CHSY3: variants seen among roughly 807,000 people sequenced by gnomAD.
The protein encoded by CHSY3 is chondroitin sulfate synthase 3, also known as N-acetylgalactosaminyl-proteoglycan 3-beta-glucuronosyltransferase 3.
Under a neutral mutation model 67.2 loss-of-function variants are expected in CHSY3, and 35 were observed. The ratio of observed to expected loss-of-function variants is 0.52; its 90% CI spans 0.40 to 0.69. CHSY3 has a LOEUF of 0.69. Among genes scored for constraint, CHSY3 ranks in the 30% least tolerant of loss-of-function variants. CHSY3 has a pLI of 0.00. For missense variants in CHSY3, 1,069 were observed against 1,138.5 expected (o/e 0.94, Z 0.88); for synonymous variants, 474 against 434.7 (o/e 1.09, Z -1.12).
chr5:130,137,312 C>T (rs749280306), intron 2 of CHSY3, among the ~76,000 whole-genome samples: 6 of 152,124 alleles, frequency 3.9e-5, no homozygotes, highest in Admixed American at 2.0e-4. Flanking sequence ...CCACACAGAA[C>T]ATGTTCACTT....
chr5:129,928,927 A>G (rs1355620194), intron 2 of CHSY3, among the ~76,000 whole-genome samples: 3 of 152,180 alleles, frequency 2.0e-5, no homozygotes, highest in Admixed American at 2.0e-4. Flanking sequence ...AACTTGCCCA[A>G]GATCACACTG....
At chr5:130,165,522 C>A (rs1276461656) in intron 2 of CHSY3, among the ~76,000 whole-genome samples, 1 of 151,680 alleles carries the variant, frequency 6.6e-6, no homozygotes, top group Non-Finnish European at 1.5e-5. Flanking sequence ...CCTTTATTTT[C>A]TTGTTTATAG....
intron 1 of CHSY3, chr5:129,905,840 ACCTGCCTGGCTTTATTCGCCTT>A (rs1760270738): frequency 9.5e-7 from 1 of 1,051,036 alleles, no homozygotes; most frequent in African/African-American, 1.8e-5. Context: ...CCCTCCTCAC[ACCTGCCTGGCTTTATTCGCCTT>A]CCTCACTTGC....
At chr5:129,941,567 T>A (rs1489927230) in intron 2 of CHSY3, among the ~76,000 whole-genome samples, 1 of 152,176 alleles carries the variant, frequency 6.6e-6, no homozygotes, top group East Asian at 1.9e-4. Context: ...TTTCATACTA[T>A]GAATACTAGC....
intron 2 of CHSY3, among the ~76,000 whole-genome samples, chr5:129,933,145 A>G (rs547430533): frequency 2.7e-4 from 41 of 152,280 alleles, no homozygotes; most frequent in African/African-American, 9.6e-4. Flanking sequence ...TGATTGGAGG[A>G]TGGCATGGCT....
Position 129,904,816 on chromosome 5 carries a change from C to T in CHSY3, c.-14C>T. The T allele has an allele frequency of 7.2e-7, 1 of 1,380,602 alleles. No homozygotes were observed. The highest frequency in any genetic ancestry group is 1.6e-5 in the South Asian group (1 of 61,602). 85.5% of individuals were successfully genotyped at this position (1,380,602 alleles called of 1,614,324 possible). A position where few individuals can be genotyped will look rare whatever the true frequency, so the allele number is the denominator to read the frequency against. On this transcript the variant is annotated 5_prime_UTR_variant, in exon 1 of 3. Coordinates refer to ENST00000305031, the MANE Select transcript of CHSY3 (RefSeq NM_175856.5). ...GCGACAGCCCAGCGAGCGTCCGCGC[C>T]CGGGACAGCCGCGATGGCTGTGCGC...
intron 2 of CHSY3, among the ~76,000 whole-genome samples, chr5:130,070,152 T>C (rs1157667307): frequency 1.3e-5 from 2 of 152,104 alleles, no homozygotes; most frequent in African/African-American, 4.8e-5. Context: ...TCTTTAGAAC[T>C]TCAGAAACAT....
At chr5:129,909,868 G>A (rs1398400131) in intron 2 of CHSY3, among the ~76,000 whole-genome samples, 4 of 152,002 alleles carry the variant, frequency 2.6e-5, no homozygotes, top group African/African-American at 9.6e-5. Flanking sequence ...CTCACCTGTA[G>A]TTAACAATAT....
chr5:129,973,205 A>G (rs79889991), intron 2 of CHSY3, among the ~76,000 whole-genome samples: 229 of 152,218 alleles, frequency 1.5e-3, no homozygotes, highest in African/African-American at 5.4e-3. Context: ...ATGATTGTTG[A>G]TTCACATTAT....
chr5:130,108,912 T>G (rs1767502729), intron 2 of CHSY3, among the ~76,000 whole-genome samples: 1 of 151,722 alleles, frequency 6.6e-6, no homozygotes, highest in Non-Finnish European at 1.5e-5. Context: ...ATACTAATAT[T>G]TTATATTTTG....
At chr5:130,097,269 A>G (rs931297504) in intron 2 of CHSY3, among the ~76,000 whole-genome samples, 3 of 152,238 alleles carry the variant, frequency 2.0e-5, no homozygotes, top group African/African-American at 7.2e-5. Context: ...CAGGCATTAG[A>G]TACACCAATA....
intron 2 of CHSY3, among the ~76,000 whole-genome samples, chr5:129,998,701 C>G (rs1324716351): frequency 6.6e-6 from 1 of 151,902 alleles, no homozygotes; most frequent in Non-Finnish European, 1.5e-5. Context: ...GGTTTTTTGA[C>G]TAAGTAAAAG....
At position 130,185,296 on chromosome 5, in the gene CHSY3, T is replaced by G. The variant is rs760117622; in HGVS notation, c.2154T>G (p.Asp718Glu). The change falls in exon 3 of 3, where the codon GAT becomes GAG. Residue 718 changes from aspartate (D) to glutamate (E), a missense_variant. By Grantham distance (45) the Asp-to-Glu change is conservative. Coordinates refer to ENST00000305031, the MANE Select transcript of CHSY3 (RefSeq NM_175856.5). ...ATGACACTTTGCTGCTATTTTGTGA[T>G]GTTGACTTGATCTTCAGAGAAGATT... is the stretch of plus-strand genomic sequence containing the variant. ...FDNDTLLLFC[D>E]VDLIFREDFL... 1 of 1,612,128 alleles carries G rather than the reference T, an allele frequency of 6.2e-7. No homozygotes were observed. Among genetic ancestry groups the G allele is most frequent in the East Asian group, 2.2e-5 (1 of 44,866 alleles).
chr5:129,953,619 C>G (rs1762087574), intron 2 of CHSY3, among the ~76,000 whole-genome samples: 1 of 152,180 alleles, frequency 6.6e-6, no homozygotes, highest in South Asian at 2.1e-4. Flanking sequence ...GTTCTTATTT[C>G]TCCACATCCT....
rs141621099 is a variant in CHSY3, at chr5:130,005,852, G to T, written c.1086+97492G>T. ...ATAATTTCCAAATAAGTTTTGTTTG[G>T]CTATATAATACATTAATTCATGCCT... On this transcript the variant is annotated intron_variant, in intron 2 of 2. Coordinates refer to ENST00000305031, the MANE Select transcript of CHSY3 (RefSeq NM_175856.5). 1.5e-4 allele frequency among the ~76,000 whole-genome samples: 23 copies of T among 152,136 alleles called. No homozygotes were observed. In the East Asian group the frequency reaches 2.7e-3, roughly 18 times the overall value.
chr5:130,041,866 T>C (rs1268926904), intron 2 of CHSY3, among the ~76,000 whole-genome samples: 2 of 152,140 alleles, frequency 1.3e-5, no homozygotes, highest in African/African-American at 4.8e-5. Flanking sequence ...TCTATGTCTT[T>C]ATAAATTAGG....
intron 2 of CHSY3, among the ~76,000 whole-genome samples, chr5:130,158,880 G>T (rs1279711570): frequency 2.6e-5 from 4 of 152,110 alleles, no homozygotes; most frequent in Non-Finnish European, 5.9e-5. Flanking sequence ...GCTCACTGCA[G>T]CCTCGACCTC....
At chr5:130,064,841 C>CTTTTCCT (rs1765832422) in intron 2 of CHSY3, among the ~76,000 whole-genome samples, 1 of 152,170 alleles carries the variant, frequency 6.6e-6, no homozygotes, top group Admixed American at 6.6e-5. Flanking sequence ...ATATGATTTG[C>CTTTTCCT]TTTTCCTTTT....
chr5:130,163,301 T>C (rs561229789), intron 2 of CHSY3, among the ~76,000 whole-genome samples: 1 of 152,344 alleles, frequency 6.6e-6, no homozygotes, highest in Admixed American at 6.5e-5. Context: ...AAGCACATTT[T>C]ATTCTTGGTT....
Sources: gnomAD v4.1 joint callset for allele counts (sites outside exome capture counted in the v4.1 genomes callset) on GRCh38, gnomAD v4.1.1 for gene constraint, MANE v1.5 for transcripts, NCBI Gene and HGNC (gene_info 2026-07-23, HGNC 2026-07-21) for gene names.